The following RAB33A variants were observed in gnomAD, a reference collection of about 807,000 sequenced individuals.
RAB33A encodes the protein RAB33A, member RAS oncogene family.
A neutral mutation model predicts 12.0 loss-of-function variants in RAB33A; 6 were observed. The ratio of observed to expected loss-of-function variants is 0.50; its 90% CI spans 0.27 to 0.99. The LOEUF (loss-of-function observed/expected upper bound fraction) is 0.99. Among genes scored for constraint, RAB33A ranks in the 50% least tolerant of loss-of-function variants. The probability of loss-of-function intolerance (pLI) is 0.11; values close to 1 mark genes in which losing one functional copy is unlikely to be tolerated. For synonymous variants in RAB33A, 70 were observed against 82.4 expected, an observed-to-expected ratio of 0.85 and a Z score of 0.81; for missense variants, 109 against 192.0, an observed-to-expected ratio of 0.57 and a Z score of 2.55.
At chrX:130,152,754 G>A in the RAB33A span, among the ~76,000 whole-genome samples, 3 of 111,838 alleles carry the variant, frequency 2.7e-5, no homozygotes, top group Admixed American at 9.5e-5. Flanking sequence ...ACATCAATGC[G>A]AATCAGAAGT....
the RAB33A span, chrX:130,139,727 T>C: frequency 1.8e-6 from 2 of 1,084,801 alleles, no homozygotes; most frequent in South Asian, 1.8e-5. Flanking sequence ...GGGTGGGCAC[T>C]TGGGGACTGC....
the RAB33A span, among the ~76,000 whole-genome samples, chrX:130,143,696 C>CAAA: frequency 8.0e-5 from 8 of 99,844 alleles, no homozygotes; most frequent in African/African-American, 2.2e-4. Context: ...ACTAAAAAGA[C>CAAA]AAAAAAAAAA....
At chrX:130,133,051 G>A in the RAB33A span, among the ~76,000 whole-genome samples, 7 of 111,495 alleles carry the variant, frequency 6.3e-5, no homozygotes, top group East Asian at 2.0e-3. Flanking sequence ...CATTCACCTA[G>A]TCTAACATAC....
At chrX:130,153,352 C>CAAAAAAA in the RAB33A span, among the ~76,000 whole-genome samples, 1 of 42,860 alleles carries the variant, frequency 2.3e-5, no homozygotes, top group Non-Finnish European at 4.0e-5. Context: ...GACTCCGTTT[C>CAAAAAAA]AAAAAAAAAA....
the RAB33A span, chrX:130,136,241 A>T: frequency 8.5e-7 from 1 of 1,173,258 alleles, no homozygotes; most frequent in Non-Finnish European, 1.2e-6. Flanking sequence ...TTATGCCTAC[A>T]GGCGTAACAA....
chrX:130,182,212 A>G (rs1337891073), intron 1 of RAB33A, among the ~76,000 whole-genome samples: 1 of 99,213 alleles, frequency 1.0e-5, no homozygotes, highest in East Asian at 3.0e-4. Flanking sequence ...TACACACAAT[A>G]TATATAACAT....
intron 1 of RAB33A, among the ~76,000 whole-genome samples, chrX:130,174,717 C>G: frequency 9.0e-6 from 1 of 111,525 alleles, no homozygotes; most frequent in East Asian, 2.8e-4. Context: ...AGAGAGGTCT[C>G]AGCCAGCTCT....
the RAB33A span, among the ~76,000 whole-genome samples, chrX:130,111,361 C>G: frequency 1.8e-5 from 2 of 112,817 alleles, no homozygotes; most frequent in Non-Finnish European, 3.8e-5. Context: ...CCCCTCGGCC[C>G]GTGCAAGTGG....
the RAB33A span, among the ~76,000 whole-genome samples, chrX:130,147,142 C>T: frequency 9.0e-6 from 1 of 111,429 alleles, no homozygotes. Context: ...AGCCTGGTGA[C>T]AGAGCAGCAA....
chrX:130,165,697 C>T, the RAB33A span: 1 of 1,093,261 alleles, frequency 9.1e-7, no homozygotes, highest in Middle Eastern at 2.4e-4. Flanking sequence ...TCCCTTTCCT[C>T]TCACGCACGA....
Position 130,179,748 on chromosome X carries a change from C to T in RAB33A, c.259-4537C>T, listed in dbSNP as rs183024866. On this transcript the variant is annotated intron_variant, in intron 1 of 1. Coordinates refer to ENST00000257017, the MANE Select transcript of RAB33A (RefSeq NM_004794.3). ...GGCACATATCTAGGATGCCAGACTG[C>T]TTGTAGTTTTAGTGGTTCAGGCCAT... 2.7e-3 allele frequency among the ~76,000 whole-genome samples: 264 copies of T among 96,999 alleles called. 1 individual carries two copies. The highest frequency in any genetic ancestry group is 9.4e-3 in the African/African-American group (243 of 25,940). The allele number at this position is 96,999 out of a possible 115,157, so 84.2% of individuals were successfully genotyped here. A position where few individuals can be genotyped will look rare whatever the true frequency, so the allele number is the denominator to read the frequency against.
At chrX:130,114,432 G>A in the RAB33A span, among the ~76,000 whole-genome samples, 36 of 112,188 alleles carry the variant, frequency 3.2e-4, no homozygotes, top group Non-Finnish European at 6.0e-4. Context: ...ACGGCTCGCC[G>A]CTCTTCCACC....
chrX:130,134,794 C>T, the RAB33A span, among the ~76,000 whole-genome samples: 1 of 111,856 alleles, frequency 8.9e-6, no homozygotes, highest in Non-Finnish European at 1.9e-5. Context: ...ACCTAAAAAT[C>T]CAACGAGTGA....
At chrX:130,118,218 A>AG in the RAB33A span, among the ~76,000 whole-genome samples, 1 of 112,528 alleles carries the variant, frequency 8.9e-6, no homozygotes, top group Non-Finnish European at 1.9e-5. Context: ...AGAGATCAGG[A>AG]GGGGCTCAGA....
chrX:130,168,978 C>A (rs1309189228), upstream of RAB33A, among the ~76,000 whole-genome samples: 1 of 110,151 alleles, frequency 9.1e-6, no homozygotes, highest in Middle Eastern at 4.7e-3. Context: ...GAGGCCAAGG[C>A]GGGCGGATCA....
At chrX:130,147,519 G>A in the RAB33A span, 1 of 1,211,865 alleles carries the variant, frequency 8.3e-7, no homozygotes, top group Non-Finnish European at 1.1e-6. Flanking sequence ...TCCACTGTTT[G>A]AATCGCAGTG....
the RAB33A span, chrX:130,129,892 A>T: frequency 1.3e-5 from 15 of 1,137,792 alleles, no homozygotes; most frequent in South Asian, 2.7e-4. Flanking sequence ...AATGCATCTC[A>T]GGGCACCCGA....
the RAB33A span, among the ~76,000 whole-genome samples, chrX:130,118,752 T>G: frequency 1.8e-5 from 2 of 111,035 alleles, no homozygotes; most frequent in Non-Finnish European, 3.8e-5. Flanking sequence ...CTCTGGGCCT[T>G]GCCTGCCTAT....
the RAB33A span, among the ~76,000 whole-genome samples, chrX:130,144,713 A>G: frequency 1.8e-5 from 2 of 111,628 alleles, no homozygotes; most frequent in Non-Finnish European, 3.8e-5. Flanking sequence ...CTACACACCT[A>G]TGTGTTATGA....
Sources: allele counts gnomAD v4.1 joint callset (sites outside exome capture counted in the v4.1 genomes callset), GRCh38; gene constraint gnomAD v4.1.1; transcripts MANE v1.5; gene names NCBI Gene and HGNC (gene_info 2026-07-23, HGNC 2026-07-21).